Variants in AGBL4 observed in about 807,000 individuals in gnomAD.
AGBL4 encodes the protein AGBL carboxypeptidase 4.
A neutral mutation model predicts 66.4 loss-of-function variants in AGBL4; 58 were observed. The observed-to-expected ratio is 0.87, with a 90% CI of 0.71 to 1.09. The LOEUF (loss-of-function observed/expected upper bound fraction) is 1.09. Ranked by LOEUF, AGBL4 falls within the 50% of genes least tolerant of loss-of-function variation. The pLI, the probability that AGBL4 is intolerant of heterozygous loss-of-function variation, is 0.00. For synonymous variants in AGBL4, 234 were observed against 222.9 expected (o/e 1.05, Z -0.44); for missense variants, 579 against 631.0 (o/e 0.92, Z 0.88).
chr1:48,639,704 T>C (rs1267337949), intron 8 of AGBL4, among the ~76,000 whole-genome samples: 1 of 152,248 alleles, frequency 6.6e-6, no homozygotes, highest in African/African-American at 2.4e-5. Context: ...ATTTGAGATT[T>C]GTGGGACACA....
chr1:48,598,007 CAAAGGCCCT>C (rs1225196668), intron 9 of AGBL4, among the ~76,000 whole-genome samples: 1 of 152,108 alleles, frequency 6.6e-6, no homozygotes, highest in African/African-American at 2.4e-5. Flanking sequence ...CTGGGCAAAA[CAAAGGCCCT>C]AAAGCAAGGA....
chr1:49,495,772 T>C (rs1036589873), intron 3 of AGBL4, among the ~76,000 whole-genome samples: 2 of 151,898 alleles, frequency 1.3e-5, no homozygotes, highest in African/African-American at 4.8e-5. Context: ...AATAAAGAAA[T>C]TAAGGATCAA....
At chr1:49,182,518 G>T (rs1646946929) in intron 4 of AGBL4, among the ~76,000 whole-genome samples, 1 of 152,138 alleles carries the variant, frequency 6.6e-6, no homozygotes, top group African/African-American at 2.4e-5. Flanking sequence ...CTGTTTAATT[G>T]GGCTAATAAC....
chr1:49,090,163 T>C (rs528622942), intron 4 of AGBL4, among the ~76,000 whole-genome samples: 36 of 152,246 alleles, frequency 2.4e-4, no homozygotes, highest in African/African-American at 8.4e-4. Flanking sequence ...AGCATTCTCT[T>C]TGAGAACTGG....
intron 3 of AGBL4, among the ~76,000 whole-genome samples, chr1:49,450,585 G>T (rs1646258271): frequency 6.6e-6 from 1 of 152,052 alleles, no homozygotes; most frequent in African/African-American, 2.4e-5. Flanking sequence ...TCTGCAGAAA[G>T]AAATAAAATG....
chr1:48,551,930 A>G (rs987105593), intron 11 of AGBL4, among the ~76,000 whole-genome samples: 7 of 152,092 alleles, frequency 4.6e-5, no homozygotes, highest in Non-Finnish European at 2.9e-5. Context: ...GGTGGGCTAG[A>G]TCAGATGGAG....
intron 4 of AGBL4, among the ~76,000 whole-genome samples, chr1:49,120,239 C>T (rs1459690611): frequency 1.3e-5 from 2 of 152,032 alleles, no homozygotes; most frequent in African/African-American, 2.4e-5. Flanking sequence ...GGTTATTTTG[C>T]CCGTTAATTG....
rs776078184 is a variant in AGBL4 at position 49,660,369 on chromosome 1, A to G, written c.282+36944T>C. Among the ~76,000 whole-genome samples the G allele has an allele frequency of 5.3e-5, 8 of 152,352 alleles. No homozygotes were observed. The East Asian group carries it at 1.3e-3, about 26-fold the overall frequency. On this transcript the variant is annotated intron_variant, in intron 3 of 13. Coordinates refer to ENST00000371839, the MANE Select transcript of AGBL4 (RefSeq NM_032785.4). ...GAAAAAAAGCTTAACATCACTGATC[A>G]TTAGAGAAACGCAAATCAAAACCAC...
At chr1:48,836,917 C>T (rs1240480977) in intron 6 of AGBL4, among the ~76,000 whole-genome samples, 3 of 150,054 alleles carry the variant, frequency 2.0e-5, no homozygotes, top group Non-Finnish European at 4.4e-5. Context: ...AGTCTTTATT[C>T]TCATGAGGGT....
At chr1:49,838,982 A>T (rs1645922385) in intron 2 of AGBL4, among the ~76,000 whole-genome samples, 1 of 152,234 alleles carries the variant, frequency 6.6e-6, no homozygotes, top group African/African-American at 2.4e-5. Flanking sequence ...TGAAAAGAGC[A>T]GTTGAAGAGG....
intron 2 of AGBL4, among the ~76,000 whole-genome samples, chr1:49,744,132 C>G (rs1242048876): frequency 6.6e-6 from 1 of 152,134 alleles, no homozygotes; most frequent in African/African-American, 2.4e-5. Flanking sequence ...TGTATCACCA[C>G]CAAACTCCTA....
intron 6 of AGBL4, among the ~76,000 whole-genome samples, chr1:48,818,830 GT>G (rs1343047440): frequency 6.6e-6 from 1 of 152,086 alleles, no homozygotes; most frequent in East Asian, 1.9e-4. Flanking sequence ...AGCATTTTAA[GT>G]TTATTTTTTC....
At chr1:49,869,250 A>T (rs939369749) in intron 1 of AGBL4, among the ~76,000 whole-genome samples, 3 of 152,204 alleles carry the variant, frequency 2.0e-5, no homozygotes, top group Non-Finnish European at 4.4e-5. Context: ...CTGGGTATAT[A>T]CCCAAAGGAA....
At chr1:49,571,826 A>G (rs1272653976) in intron 3 of AGBL4, among the ~76,000 whole-genome samples, 1 of 152,024 alleles carries the variant, frequency 6.6e-6, no homozygotes, top group East Asian at 1.9e-4. Flanking sequence ...TTGAGATGAT[A>G]GTAGAGTTTT....
intron 1 of AGBL4, among the ~76,000 whole-genome samples, chr1:49,922,861 T>C (rs1652395016): frequency 6.6e-6 from 1 of 152,128 alleles, no homozygotes. Context: ...ATAGGAAGAA[T>C]CAATATTTTT....
chr1:49,537,504 C>G (rs1651686775), intron 3 of AGBL4, among the ~76,000 whole-genome samples: 1 of 152,102 alleles, frequency 6.6e-6, no homozygotes, highest in African/African-American at 2.4e-5. Context: ...ATATTTTATG[C>G]CTTTCAAAAG....
intron 5 of AGBL4, among the ~76,000 whole-genome samples, chr1:49,039,963 T>C (rs977270307): frequency 5.3e-5 from 8 of 152,082 alleles, no homozygotes; most frequent in African/African-American, 1.9e-4. Context: ...ACCAAAAGCA[T>C]AATCCATTAA....
At chr1:48,585,822 A>G (rs34084296) in intron 11 of AGBL4, 2,704 of 152,344 alleles carry the variant, frequency 0.018, 20 homozygotes, top group Middle Eastern at 0.041. Context: ...AAACACACAT[A>G]CAAACAGAGC....
chr1:48,764,845 G>A (rs1644453534), intron 6 of AGBL4, among the ~76,000 whole-genome samples: 1 of 152,214 alleles, frequency 6.6e-6, no homozygotes, highest in South Asian at 2.1e-4. Context: ...AGGTGCAGCG[G>A]ATGACAGAGC....
Sources: allele counts gnomAD v4.1 joint callset (sites outside exome capture counted in the v4.1 genomes callset), GRCh38; gene constraint gnomAD v4.1.1; transcripts MANE v1.5; gene names NCBI Gene and HGNC (gene_info 2026-07-23, HGNC 2026-07-21).